Variants in DNER observed in about 807,000 individuals in gnomAD.
DNER encodes the protein delta/notch like EGF repeat containing, also known as delta and Notch-like epidermal growth factor-related receptor.
A neutral mutation model predicts 78.2 loss-of-function variants in DNER; 33 were observed. That is an observed-to-expected ratio of 0.42 (90% CI 0.32 to 0.56). The LOEUF is 0.56. Among genes scored for constraint, DNER ranks in the 20% least tolerant of loss-of-function variants. DNER has a pLI of 0.11. For missense variants in DNER, 918 were observed against 975.3 expected, an observed-to-expected ratio of 0.94 and a Z score of 0.78; for synonymous variants, 417 against 384.8, an observed-to-expected ratio of 1.08 and a Z score of -0.98.
chr2:229,400,567 T>A (rs1693245098), intron 10 of DNER, among the ~76,000 whole-genome samples: 1 of 151,902 alleles, frequency 6.6e-6, no homozygotes, highest in African/African-American at 2.4e-5. Context: ...AAACAAAAAA[T>A]TAACCACATT....
intron 11 of DNER, among the ~76,000 whole-genome samples, chr2:229,372,851 C>A (rs1692517628): frequency 6.6e-6 from 1 of 151,990 alleles, no homozygotes; most frequent in Non-Finnish European, 1.5e-5. Flanking sequence ...ATCAACCAGA[C>A]TAAATGCAGC....
chr2:229,693,196 T>C (rs563272663), intron 1 of DNER, among the ~76,000 whole-genome samples: 2 of 151,664 alleles, frequency 1.3e-5, no homozygotes, highest in Admixed American at 6.6e-5. Flanking sequence ...TATACGGGAC[T>C]TTTCCCCCTT....
chr2:229,710,979 ACG>A lies in DNER; in HGVS notation c.276+3167_276+3168del, dbSNP rs750730916. Among the ~76,000 whole-genome samples, 100 of 96,574 alleles carry A rather than the reference ACG, an allele frequency of 1.0e-3. 1 individual carries two copies. The highest frequency in any genetic ancestry group is 3.1e-3 in the African/African-American group (73 of 23,566). The allele number at this position is 96,574 out of a possible 152,430, so 63.4% of individuals were successfully genotyped here. Reference sequence around the variant, plus strand: ...CTGAGACTGAAAATGGCATGCATACACGCGCACACACACACACACACACACAC... The same window carrying A: ...CTGAGACTGAAAATGGCATGCATACACGCACACACACACACACACACACAC... On this transcript the variant is annotated intron_variant, in intron 1 of 12. Transcript: ENST00000341772.
intron 4 of DNER, among the ~76,000 whole-genome samples, chr2:229,578,235 C>T (rs1269499613): frequency 6.6e-6 from 1 of 152,114 alleles, no homozygotes; most frequent in Non-Finnish European, 1.5e-5. Context: ...CGCCCTGTCT[C>T]CTCCCATCTC....
At chr2:229,654,043 T>A (rs1217391088) in intron 1 of DNER, among the ~76,000 whole-genome samples, 1 of 152,214 alleles carries the variant, frequency 6.6e-6, no homozygotes, top group Non-Finnish European at 1.5e-5. Context: ...TGTGTACATG[T>A]GCCATGTTGG....
In DNER at chr2:229,484,917, A is replaced by G. The variant is rs188164695; in HGVS notation, c.1148-7664T>C. Among the ~76,000 whole-genome samples the G allele has an allele frequency of 2.4e-4, 37 of 152,310 alleles. No individual in the cohort carries two copies. The East Asian group carries it at 6.7e-3, about 28-fold the overall frequency. ...AGCAGAGAAACAGCACCTTCAGAAC[A>G]TTTTTTAAAAATCAGCATTCTCAGG... On this transcript the variant is annotated intron_variant, in intron 6 of 12. Coordinates refer to ENST00000341772, the MANE Select transcript of DNER (RefSeq NM_139072.4).
intron 1 of DNER, among the ~76,000 whole-genome samples, chr2:229,693,781 A>G (rs1699619480): frequency 6.6e-6 from 1 of 152,232 alleles, no homozygotes; most frequent in South Asian, 2.1e-4. Flanking sequence ...AGAGCATAAG[A>G]GTTTACAAAA....
At chr2:229,431,261 C>T (rs16826025) in intron 8 of DNER, among the ~76,000 whole-genome samples, 6,013 of 152,126 alleles carry the variant, frequency 0.04, 365 homozygotes, top group African/African-American at 0.13. Context: ...ATATGGAAGA[C>T]GACAGCTCAC....
chr2:229,640,516 A>G (rs184554173), intron 1 of DNER, among the ~76,000 whole-genome samples: 1 of 152,144 alleles, frequency 6.6e-6, no homozygotes, highest in East Asian at 1.9e-4. Flanking sequence ...GAGACTATTC[A>G]AAATATCTGT....
intron 7 of DNER, among the ~76,000 whole-genome samples, chr2:229,453,938 A>AG (rs1327057715): frequency 4.1e-4 from 62 of 150,672 alleles, no homozygotes; most frequent in African/African-American, 1.5e-3. Flanking sequence ...AAAAAAAAAA[A>AG]AAAAGAAAGA....
chr2:229,595,391 C>T (rs1697693219), intron 1 of DNER, among the ~76,000 whole-genome samples: 1 of 152,026 alleles, frequency 6.6e-6, no homozygotes, highest in Admixed American at 6.5e-5. Context: ...AAGCGATTCT[C>T]CTGCCTCAGC....
At chr2:229,633,029 A>G (rs991660915) in intron 1 of DNER, among the ~76,000 whole-genome samples, 1 of 152,228 alleles carries the variant, frequency 6.6e-6, no homozygotes, top group African/African-American at 2.4e-5. Context: ...AACATTACCT[A>G]TGATGTTGTA....
intron 9 of DNER, among the ~76,000 whole-genome samples, chr2:229,409,784 G>A (rs917931549): frequency 1.1e-4 from 17 of 152,102 alleles, no homozygotes; most frequent in African/African-American, 3.6e-4. Flanking sequence ...ACCTGATTAC[G>A]GACAAGCAAG....
At chr2:229,522,120 A>T (rs1696111289) in intron 5 of DNER, among the ~76,000 whole-genome samples, 1 of 152,172 alleles carries the variant, frequency 6.6e-6, no homozygotes, top group Non-Finnish European at 1.5e-5. Flanking sequence ...CTTCAGCTTA[A>T]ATGATAAATT....
chr2:229,635,530 C>T (rs13399244), intron 1 of DNER, among the ~76,000 whole-genome samples: 6,318 of 152,156 alleles, frequency 0.042, 177 homozygotes, highest in Middle Eastern at 0.071. Flanking sequence ...TTATTCCTCA[C>T]ATGCAGGAAA....
At chr2:229,453,920 T>TAAAAAAAAAAAAAAAAAAAAAAAAAAAAA (rs10602558) in intron 7 of DNER, among the ~76,000 whole-genome samples, 1 of 106,864 alleles carries the variant, frequency 9.4e-6, no homozygotes, top group Non-Finnish European at 1.9e-5. Flanking sequence ...TAAAATATAT[T>TAAAAAAAAAAAAAAAAAAAAAAAAAAAAA]AAAAAAAAAA....
intron 6 of DNER, among the ~76,000 whole-genome samples, chr2:229,503,043 C>CT (rs943071571): frequency 2.6e-5 from 4 of 152,108 alleles, no homozygotes; most frequent in Non-Finnish European, 4.4e-5. Flanking sequence ...TCAAATAATT[C>CT]TTTTTTCTCC....
At chr2:229,680,377 G>A (rs1214964199) in intron 1 of DNER, among the ~76,000 whole-genome samples, 1 of 152,148 alleles carries the variant, frequency 6.6e-6, no homozygotes, top group African/African-American at 2.4e-5. Flanking sequence ...CTCTTAATTG[G>A]ACCATGGATC....
intron 11 of DNER, among the ~76,000 whole-genome samples, chr2:229,368,674 C>T (rs1378097677): frequency 1.3e-5 from 2 of 152,174 alleles, no homozygotes; most frequent in South Asian, 2.1e-4. Context: ...TTATTATAAA[C>T]TAAGCTCTTT....
Sources: gnomAD v4.1 joint callset for allele counts (sites outside exome capture counted in the v4.1 genomes callset) on GRCh38, gnomAD v4.1.1 for gene constraint, MANE v1.5 for transcripts, NCBI Gene and HGNC (gene_info 2026-07-23, HGNC 2026-07-21) for gene names.